The following POLR2C variants were observed in gnomAD, a reference collection of about 807,000 sequenced individuals.
POLR2C encodes the protein DNA-directed RNA polymerase II subunit RPB3.
A neutral mutation model predicts 41.7 loss-of-function variants in POLR2C; 36 were observed. That is an observed-to-expected ratio of 0.86 (90% CI 0.66 to 1.14). The LOEUF (loss-of-function observed/expected upper bound fraction) is 1.14, where lower values mean the gene tolerates loss of function less well. POLR2C is among the 50% of genes most tolerant of loss of function. POLR2C has a pLI of 0.00. For missense variants in POLR2C, 260 were observed against 350.4 expected (o/e 0.74, Z 2.06); for synonymous variants, 133 against 137.8 (o/e 0.96, Z 0.25).
Position 57,469,434 on chromosome 16 carries a change from C to A in POLR2C, c.387+141C>A. Reference sequence around the variant, plus strand: ...TGCCTTAATCTGATCCCTAGAAGTGCTAATTCTGGATTCCTCTTGGGCATC... The same window carrying A: ...TGCCTTAATCTGATCCCTAGAAGTGATAATTCTGGATTCCTCTTGGGCATC... On this transcript the variant is annotated intron_variant, in intron 5 of 8. Transcript: ENST00000219252. This position sits in a 1 kb window ranked among gnomAD's most constrained non-coding sequence, Gnocchi z 5.8. The A allele has an allele frequency of 1.1e-6, 1 of 940,254 alleles. No individual in the cohort carries two copies. Among genetic ancestry groups the A allele is most frequent in the South Asian group, 1.4e-5 (1 of 72,258 alleles). 58.2% of individuals were successfully genotyped at this position (940,254 alleles called of 1,614,324 possible). A position where few individuals can be genotyped will look rare whatever the true frequency, so the allele number is the denominator to read the frequency against.
rs746156380 is a variant in POLR2C, at chr16:57,469,109, C to T, written c.259-56C>T. 2.6e-5 allele frequency: 41 copies of T among 1,579,356 alleles called. No homozygotes were observed. The highest frequency in any genetic ancestry group is 3.5e-5 in the Non-Finnish European group (40 of 1,155,488). ...GATGCAGGAAGCCAAGACAAGGAGCCAAGGCAGGAGTTGCCATCTCCCTTT... is the reference window on the plus strand; with the variant it reads ...GATGCAGGAAGCCAAGACAAGGAGCTAAGGCAGGAGTTGCCATCTCCCTTT... On this transcript the variant is annotated intron_variant, in intron 4 of 8. Transcript: ENST00000219252. The surrounding 1 kb of genome is among the most constrained non-coding windows in gnomAD (Gnocchi z 5.8).
At position 57,462,888 on chromosome 16, in the gene POLR2C, G is replaced by T. The variant is rs1724396677; in HGVS notation, c.86+78G>T. On this transcript the variant is annotated intron_variant, in intron 1 of 8. Coordinates refer to ENST00000219252, the MANE Select transcript of POLR2C (RefSeq NM_032940.3). The stretch of plus-strand genomic sequence containing the variant: ...GCCGGGGCCCCGGGGCAGGGGGCGG[G>T]GGTGTAGTGGGGTGGGGTGGGGGCG... The T allele has an allele frequency of 6.6e-6, 8 of 1,207,020 alleles. No homozygotes were observed. The South Asian group carries it at 1.0e-4, about 16-fold the overall frequency. The allele number at this position is 1,207,020 out of a possible 1,614,324, so 74.8% of individuals were successfully genotyped here.
intron 2 of POLR2C, 153 bp downstream of exon 2, chr16:57,463,231 C>T: frequency 2.8e-6 from 2 of 712,362 alleles, no homozygotes; most frequent in Non-Finnish European, 2.5e-6. Context: ...ATACCCTGTG[C>T]CCTTGGCTCA....
Position 57,462,717 on chromosome 16 carries a change from T to G in POLR2C, c.-8T>G. ...AGCAGACGCGGAGGCTGGTGGCCCC[T>G]GGGCGAGATGCCGTACGCCAACCAG... On this transcript the variant is annotated 5_prime_UTR_variant, in exon 1 of 9. Transcript: ENST00000219252. 6.3e-7 allele frequency: 1 copy of G among 1,592,038 alleles called. No homozygotes were observed. The highest frequency in any genetic ancestry group is 1.1e-5 in the South Asian group (1 of 87,978).
chr16:57,465,727 G>T, intron 2 of POLR2C: 1 of 517,628 alleles, frequency 1.9e-6, no homozygotes. Flanking sequence ...TGTTTTCTGT[G>T]AAGCAGGGAG....
At position 57,470,547 on chromosome 16, in the gene POLR2C, CAA is replaced by C. The variant is rs1417153090; in HGVS notation, c.683+195_683+196del. 43 of 575,234 alleles carry C rather than the reference CAA, an allele frequency of 7.5e-5. 1 individual carries two copies. Among genetic ancestry groups the C allele is most frequent in the Non-Finnish European group, 1.0e-4 (33 of 323,396 alleles). 35.6% of individuals were successfully genotyped at this position (575,234 alleles called of 1,614,324 possible). On this transcript the variant is annotated intron_variant, in intron 8 of 8. Transcript: ENST00000219252. Reference sequence around the variant, plus strand: ...GTCGTCAGCCCCTTTTGGTCACTGACAAAGAGGACCCTCCATTTATCCAGGTG... The same window carrying C: ...GTCGTCAGCCCCTTTTGGTCACTGACAGAGGACCCTCCATTTATCCAGGTG...
rs2030693338 is a variant in POLR2C at position 57,465,854 on chromosome 16, G to GT, written c.137-96dup. On this transcript the variant is annotated intron_variant, in intron 2 of 8. Coordinates refer to ENST00000219252, the MANE Select transcript of POLR2C (RefSeq NM_032940.3). ...TGTGGAATCAGCCCAGCAATCTGCA[G>GT]TTTAGTGTCAGGTGATTCCTAAATC... 12 of 807,892 alleles carry GT rather than the reference G, an allele frequency of 1.5e-5. No individual in the cohort carries two copies. The South Asian group carries it at 1.7e-4, about 11-fold the overall frequency. The allele number at this position is 807,892 out of a possible 1,614,324, so 50.0% of individuals were successfully genotyped here. A position where few individuals can be genotyped will look rare whatever the true frequency, so the allele number is the denominator to read the frequency against.
chr16:57,467,607 C>T (rs2030741712), intron 4 of POLR2C, among the ~76,000 whole-genome samples: 1 of 152,120 alleles, frequency 6.6e-6, no homozygotes, highest in Non-Finnish European at 1.5e-5. Context: ...CTATAGTTAC[C>T]AATTAATATT....
In POLR2C at chr16:57,466,158, T is replaced by C. The variant is rs551952132; in HGVS notation, c.206-17T>C. ...GGCTGTTTGGTTTTCTTTAAAGTGC[T>C]TTTCTGTTTTTTACAGGATTAATTC... On this transcript the variant is annotated splice_polypyrimidine_tract_variant and intron_variant, in intron 3 of 8. Transcript: ENST00000219252. The C allele has an allele frequency of 2.2e-5, 35 of 1,596,466 alleles. No homozygotes were observed. The South Asian group carries it at 3.1e-4, about 14-fold the overall frequency.
chr16:57,469,298 G>T lies in POLR2C; in HGVS notation c.387+5G>T. On this transcript the variant is annotated splice_donor_5th_base_variant and intron_variant, in intron 5 of 8. Transcript: ENST00000219252. The surrounding 1 kb of genome is among the most constrained non-coding windows in gnomAD (Gnocchi z 5.8). ...AACAGCCCCCGGGTCATTCCGGTCA[G>T]TGCGGGAGAGCATCCTCTTTTCCCT... is the stretch of plus-strand genomic sequence containing the variant. 2.5e-6 allele frequency: 4 copies of T among 1,612,776 alleles called. No homozygotes were observed. Among genetic ancestry groups the T allele is most frequent in the Non-Finnish European group, 3.4e-6 (4 of 1,179,988 alleles).
chr16:57,463,576 T>C (rs1442332846), intron 2 of POLR2C: 12 of 438,358 alleles, frequency 2.7e-5, no homozygotes, highest in Admixed American at 1.2e-4. Flanking sequence ...GTGTGTTTAT[T>C]GTCATCTTTA....
rs144082904 is a variant in POLR2C at position 57,470,986 on chromosome 16, A to G, written c.695A>G (p.Asn232Ser). 3.1e-5 allele frequency: 50 copies of G among 1,614,072 alleles called. No homozygotes were observed. In the African/African-American group the frequency reaches 4.9e-4, roughly 16 times the overall value. Reference protein sequence around the residue: ...PNGKPERFYYNVESCGSLRPE... With the variant: ...PNGKPERFYYSVESCGSLRPE... ...CTCTTGCCTCCTAGGTTTTACTACAATGTGGAGTCCTGTGGCTCTCTGCGT... is the reference window on the plus strand; with the variant it reads ...CTCTTGCCTCCTAGGTTTTACTACAGTGTGGAGTCCTGTGGCTCTCTGCGT... Residue 232 changes from asparagine to serine, a missense_variant, in exon 9 of 9, where the codon AAT (asparagine) becomes AGT (serine). Coordinates refer to ENST00000219252, the MANE Select transcript of POLR2C (RefSeq NM_032940.3).
At chr16:57,462,994 A>G (rs764027421) in intron 1 of POLR2C, 35 bp from the exon 2 acceptor site, 62 of 1,597,482 alleles carry the variant, frequency 3.9e-5, no homozygotes, top group Non-Finnish European at 2.1e-5. Flanking sequence ...TCGAGGCTGC[A>G]GCGCCTTCAC....
chr16:57,470,698 G>GT (rs2030812997), intron 8 of POLR2C, among the ~76,000 whole-genome samples: 1 of 152,154 alleles, frequency 6.6e-6, no homozygotes, highest in African/African-American at 2.4e-5. Flanking sequence ...TGCTCACTTG[G>GT]TTTTCCACTC....
intron 2 of POLR2C, chr16:57,463,651 C>G (rs1567582864): frequency 2.2e-6 from 1 of 454,716 alleles, no homozygotes; most frequent in Non-Finnish European, 4.4e-6. Context: ...TGTTAATTCT[C>G]TTAGGATAAT....
intron 2 of POLR2C, among the ~76,000 whole-genome samples, chr16:57,464,455 C>T (rs2030654954): frequency 6.6e-6 from 1 of 152,208 alleles, no homozygotes. Context: ...GGTCTGGTTC[C>T]AGCCACTCTG....
intron 2 of POLR2C, chr16:57,465,614 T>G: frequency 4.1e-6 from 1 of 241,162 alleles, no homozygotes; most frequent in Non-Finnish European, 8.0e-6. Context: ...TAGTTCATGT[T>G]CTTGGATTTA....
intron 2 of POLR2C, chr16:57,463,347 C>T (rs2030627497): frequency 3.5e-6 from 2 of 579,230 alleles, no homozygotes; most frequent in Admixed American, 6.1e-5. Flanking sequence ...GGTTCAAATA[C>T]TGTTTTCACT....
chr16:57,470,839 G>T (rs1426402529), intron 8 of POLR2C, 136 bp from the exon 9 acceptor site: 3 of 772,340 alleles, frequency 3.9e-6, no homozygotes, highest in African/African-American at 3.5e-5. Flanking sequence ...TACATGAAAG[G>T]AAGTTAGCCC....
Sources: gnomAD v4.1 joint callset for allele counts (sites outside exome capture counted in the v4.1 genomes callset) on GRCh38, gnomAD v4.1.1 for gene constraint, Gnocchi (gnomAD v3.1) non-coding constraint, MANE v1.5 for transcripts, NCBI Gene and HGNC (gene_info 2026-07-23, HGNC 2026-07-21) for gene names.